The following DDX21 variants were observed in gnomAD, a reference collection of about 807,000 sequenced individuals.
DDX21 encodes the protein DExD-box helicase 21, also known as nucleolar RNA helicase 2.
In DDX21, 18 loss-of-function variants were observed where a neutral mutation model predicts 90.0. That is an observed-to-expected ratio of 0.20 (90% CI 0.14 to 0.30). The LOEUF is 0.30. DDX21 is among the 10% of genes least tolerant of loss of function. DDX21 has a pLI of 1.00. For missense variants in DDX21, 673 were observed against 944.5 expected, an observed-to-expected ratio of 0.71 and a Z score of 3.77; for synonymous variants, 294 against 318.0, an observed-to-expected ratio of 0.92 and a Z score of 0.80.
chr10:68,981,801 C>T (rs748320462), intron 14 of DDX21, among the ~76,000 whole-genome samples: 6 of 151,878 alleles, frequency 4.0e-5, no homozygotes, highest in South Asian at 2.1e-4. Context: ...AAGTTGTGAA[C>T]GATATCCAGC....
At chr10:68,963,245 G>GT (rs1250846064) in intron 3 of DDX21, 46 bp from the exon 4 acceptor site, 1 of 1,550,552 alleles carries the variant, frequency 6.4e-7, no homozygotes, top group Non-Finnish European at 8.7e-7. Flanking sequence ...TATGGCTAAT[G>GT]TTTTAAGAAT....
intron 13 of DDX21, among the ~76,000 whole-genome samples, chr10:68,979,403 C>G (rs1173053626): frequency 6.6e-6 from 1 of 152,198 alleles, no homozygotes; most frequent in African/African-American, 2.4e-5. Flanking sequence ...CAAGGATTCT[C>G]AAACATTTTG....
chr10:68,965,548 C>G (rs1266776945), intron 5 of DDX21, 54 bp downstream of exon 5: 1 of 1,300,938 alleles, frequency 7.7e-7, no homozygotes, highest in African/African-American at 1.5e-5. Flanking sequence ...GTTGACTGCT[C>G]TGATTGGATT....
chr10:68,977,728 G>T (rs1446288529), intron 12 of DDX21, 40 bp downstream of exon 12: 5 of 1,568,566 alleles, frequency 3.2e-6, no homozygotes, highest in Non-Finnish European at 4.3e-6. Context: ...TCATAATTTG[G>T]GGTATGAGCA....
rs1001593268 is a variant in DDX21 at position 68,969,001 on chromosome 10, G to A, written c.1116G>A (p.Leu372=). The A allele has an allele frequency of 6.2e-7, 1 of 1,612,630 alleles. No homozygotes were observed. Among genetic ancestry groups the A allele is most frequent in the African/African-American group, 1.3e-5 (1 of 74,754 alleles). ...KKDSEDNPQT[L]LFSATCPHWV... is the part of the protein sequence containing the mutation. ...ATTCTGAAGACAATCCCCAAACATT[G>A]CTTTTTTCTGCAACTTGCCCTCATT... The change falls in exon 7 of 15, where the codon TTG becomes TTA. Residue 372 remains leucine, a synonymous_variant. Coordinates refer to ENST00000354185, the MANE Select transcript of DDX21 (RefSeq NM_004728.4).
chr10:68,975,752 A>G (rs1245876908), intron 11 of DDX21, among the ~76,000 whole-genome samples: 1 of 152,128 alleles, frequency 6.6e-6, no homozygotes, highest in Non-Finnish European at 1.5e-5. Context: ...ATCTCTATAA[A>G]AAATACAAAA....
intron 4 of DDX21, 109 bp from the exon 5 acceptor site, chr10:68,965,268 C>G: frequency 1.3e-6 from 1 of 760,408 alleles, no homozygotes; most frequent in Admixed American, 2.2e-5. Flanking sequence ...TCATCATCAG[C>G]GTTAGACCTT....
rs761766702 is a variant in DDX21 at position 68,959,802 on chromosome 10, T to C, written c.88-4T>C. ...TTTGTATTTTCCTTATGAATTTTTT[T>C]TAGAAAGAGAAAAAAGAGAAGCCAA... is the stretch of plus-strand genomic sequence containing the variant. On this transcript the variant is annotated splice_region_variant and splice_polypyrimidine_tract_variant and intron_variant, in intron 1 of 14. Coordinates refer to ENST00000354185, the MANE Select transcript of DDX21 (RefSeq NM_004728.4). 2 of 1,525,238 alleles carry C rather than the reference T, an allele frequency of 1.3e-6. No homozygotes were observed. The highest frequency in any genetic ancestry group is 1.4e-5 in the African/African-American group (1 of 70,822). 94.5% of individuals were successfully genotyped at this position (1,525,238 alleles called of 1,614,324 possible).
chr10:68,971,488 T>G (rs1244191020), intron 8 of DDX21, among the ~76,000 whole-genome samples: 1 of 152,150 alleles, frequency 6.6e-6, no homozygotes, highest in Admixed American at 6.5e-5. Context: ...TCAAGCAGTC[T>G]GCCTGTCTGG....
At chr10:68,974,612 T>A in intron 10 of DDX21, 58 bp from the exon 11 acceptor site, 2 of 1,440,232 alleles carry the variant, frequency 1.4e-6, no homozygotes, top group Non-Finnish European at 1.9e-6. Flanking sequence ...GGACTGCTTA[T>A]CTTATTGGAA....
intron 8 of DDX21, among the ~76,000 whole-genome samples, chr10:68,971,370 C>T (rs923401321): frequency 6.6e-6 from 1 of 151,988 alleles, no homozygotes; most frequent in African/African-American, 2.4e-5. Context: ...GCAGGATTAG[C>T]TATTCTCCTA....
intron 6 of DDX21, 138 bp from the exon 7 acceptor site, chr10:68,968,838 T>C: frequency 1.2e-6 from 1 of 826,380 alleles, no homozygotes; most frequent in Non-Finnish European, 1.8e-6. Context: ...CTTCCAGTTT[T>C]GTGTCCTCAG....
At chr10:68,965,861 T>C (rs756564711) in intron 5 of DDX21, among the ~76,000 whole-genome samples, 35 of 149,236 alleles carry the variant, frequency 2.3e-4, no homozygotes, top group Admixed American at 8.8e-4. Flanking sequence ...TTTCTTGATG[T>C]AGGCAGGCTT....
At chr10:68,966,963 C>A in intron 5 of DDX21, 55 bp from the exon 6 acceptor site, 1 of 1,510,362 alleles carries the variant, frequency 6.6e-7, no homozygotes. Context: ...TGGTACCCCA[C>A]ACAGATAAAA....
chr10:68,959,921 A>C lies in DDX21; in HGVS notation c.203A>C (p.Asp68Ala). Reference sequence around the variant, plus strand: ...AAGAAAGCAGAGCCTTCTGAAGTTGACATGAATTCTCCTAAATCCAAAAAG... The same window carrying C: ...AAGAAAGCAGAGCCTTCTGAAGTTGCCATGAATTCTCCTAAATCCAAAAAG... The part of the protein sequence containing the change: ...VKKKAEPSEV[D>A]MNSPKSKKAK... The change falls in exon 2 of 15, where the codon GAC becomes GCC. Residue 68 changes from aspartate to alanine, a missense_variant. By Grantham distance (126) the Asp-to-Ala change is moderately radical. Around this residue, in one of 4 missense-constraint regions of DDX21, gnomAD observed 204 missense variants for 221.6 expected, o/e 0.92. Coordinates refer to ENST00000354185, the MANE Select transcript of DDX21 (RefSeq NM_004728.4). 6.2e-7 allele frequency: 1 copy of C among 1,609,752 alleles called. No individual in the cohort carries two copies. The highest frequency in any genetic ancestry group is 8.5e-7 in the Non-Finnish European group (1 of 1,179,324).
chr10:68,963,242 A>G (rs770554517), intron 3 of DDX21, 49 bp from the exon 4 acceptor site: 2 of 1,539,906 alleles, frequency 1.3e-6, no homozygotes, highest in Admixed American at 3.8e-5. Flanking sequence ...CAGTATGGCT[A>G]ATGTTTTAAG....
In DDX21 at chr10:68,965,268, C is replaced by T. The variant is rs117282758; in HGVS notation, c.787-109C>T. On this transcript the variant is annotated intron_variant, in intron 4 of 14. Transcript: ENST00000354185. ...TAGATAATGTTATCGTCATCATCAG[C>T]GTTAGACCTTGTTCAAGTCGTTCTT... 1,969 of 760,388 alleles carry T rather than the reference C, an allele frequency of 2.6e-3. 44 individuals carry two copies. In the East Asian group the frequency reaches 0.043, roughly 17 times the overall value. 47.1% of individuals were successfully genotyped at this position (760,388 alleles called of 1,614,324 possible).
rs1036025077 is a variant in DDX21 at position 68,962,187 on chromosome 10, T to C, written c.607+30T>C. The C allele has an allele frequency of 2.0e-6, 3 of 1,497,864 alleles. No individual in the cohort carries two copies. The Admixed American group carries it at 5.5e-5, about 28-fold the overall frequency. The allele number at this position is 1,497,864 out of a possible 1,614,324, so 92.8% of individuals were successfully genotyped here. On this transcript the variant is annotated intron_variant, in intron 3 of 14. Coordinates refer to ENST00000354185, the MANE Select transcript of DDX21 (RefSeq NM_004728.4). ...TGTTCTTGGAAATATCGTATGATGTTAGAACGTATTATTTTAACAGAAGCA... is the reference window on the plus strand; with the variant it reads ...TGTTCTTGGAAATATCGTATGATGTCAGAACGTATTATTTTAACAGAAGCA...
intron 12 of DDX21, among the ~76,000 whole-genome samples, chr10:68,978,268 G>A (rs1476800276): frequency 1.3e-5 from 2 of 152,086 alleles, no homozygotes; most frequent in Non-Finnish European, 2.9e-5. Context: ...TCTTTTGGGT[G>A]GATTATGCCA....
Sources: gnomAD v4.1 joint callset for allele counts (sites outside exome capture counted in the v4.1 genomes callset) on GRCh38, gnomAD v4.1.1 for gene constraint, gnomAD v4.1.1 regional missense constraint, MANE v1.5 for transcripts, NCBI Gene and HGNC (gene_info 2026-07-23, HGNC 2026-07-21) for gene names.